IL21R: variants seen among roughly 807,000 people sequenced by gnomAD.
IL21R encodes interleukin-21 receptor.
Under a neutral mutation model 41.3 loss-of-function variants are expected in IL21R, and 14 were observed. The observed-to-expected ratio is 0.34, with a 90% CI of 0.22 to 0.53. The LOEUF is 0.53. Among genes scored for constraint, IL21R ranks in the 20% least tolerant of loss-of-function variants. The pLI is 0.94. For synonymous variants in IL21R, 286 were observed against 287.6 expected (o/e 0.99, Z 0.05); for missense variants, 588 against 681.6 (o/e 0.86, Z 1.53).
chr16:27,443,999 T>C (rs971212573), intron 5 of IL21R: 12 of 152,024 alleles, frequency 7.9e-5, no homozygotes, highest in African/African-American at 2.9e-4. Context: ...ATGAGTGCCA[T>C]ACTTTAGAAA....
At chr16:27,409,093 G>A (rs1431818670) in intron 1 of IL21R, among the ~76,000 whole-genome samples, 2 of 151,618 alleles carry the variant, frequency 1.3e-5, no homozygotes, top group Admixed American at 1.3e-4. Flanking sequence ...CCAGAATATT[G>A]AGTAGAGACA....
At chr16:27,416,212 C>T (rs773284514) in intron 1 of IL21R, among the ~76,000 whole-genome samples, 1 of 152,232 alleles carries the variant, frequency 6.6e-6, no homozygotes, top group Non-Finnish European at 1.5e-5. Context: ...TTGCAGCTCA[C>T]TGCAAGCTCC....
At chr16:27,441,429 T>G (rs554956195) in intron 4 of IL21R, among the ~76,000 whole-genome samples, 2 of 152,386 alleles carry the variant, frequency 1.3e-5, no homozygotes, top group East Asian at 3.9e-4. Flanking sequence ...CTGTTATGGC[T>G]CAGAGCTCGG....
At chr16:27,414,165 AGT>A (rs3917005) in intron 1 of IL21R, among the ~76,000 whole-genome samples, 188 of 144,250 alleles carry the variant, frequency 1.3e-3, no homozygotes, top group Non-Finnish European at 2.3e-3. Flanking sequence ...AGCTATGTAT[AGT>A]GTGTGTGTGT....
rs1266644884 is a variant in IL21R at position 27,449,429 on chromosome 16, T to C, written c.*146T>C. The C allele has an allele frequency of 2.7e-6, 2 of 735,076 alleles. No homozygotes were observed. Among genetic ancestry groups the C allele is most frequent in the Non-Finnish European group, 4.3e-6 (2 of 460,668 alleles). 45.5% of individuals were successfully genotyped at this position (735,076 alleles called of 1,614,324 possible). On this transcript the variant is annotated 3_prime_UTR_variant, in exon 9 of 9. Transcript: ENST00000337929. ...CTGATGTTTACAGTGTCTGTGTGTGTGTGTGCATATGTGTGTGTGTGCATA... is the reference window on the plus strand; with the variant it reads ...CTGATGTTTACAGTGTCTGTGTGTGCGTGTGCATATGTGTGTGTGTGCATA...
At chr16:27,442,704 C>T in intron 4 of IL21R, 1 of 318,760 alleles carries the variant, frequency 3.1e-6, no homozygotes, top group Non-Finnish European at 5.8e-6. Context: ...TGCTTCACTC[C>T]TCTCTGTGAC....
chr16:27,431,343 A>C (rs760565712), intron 2 of IL21R, among the ~76,000 whole-genome samples: 2 of 152,174 alleles, frequency 1.3e-5, no homozygotes, highest in African/African-American at 4.8e-5. Context: ...CTGCATGCAA[A>C]GCTCGGAGCG....
rs1227559191 is a variant in IL21R at position 27,433,609 on chromosome 16, T to C, written c.50-738T>C. Among the ~76,000 whole-genome samples, 4 of 151,756 alleles carry C rather than the reference T, an allele frequency of 2.6e-5. No homozygotes were observed. The East Asian group carries it at 5.8e-4, about 22-fold the overall frequency. On this transcript the variant is annotated intron_variant, in intron 2 of 8. Coordinates refer to ENST00000337929, the MANE Select transcript of IL21R (RefSeq NM_181078.3). ...AAAATGTAGATGATGATTGCACCCCTGTTTTAGAACACAGCGAAACAATTA... is the reference window on the plus strand; with the variant it reads ...AAAATGTAGATGATGATTGCACCCCCGTTTTAGAACACAGCGAAACAATTA...
rs767061088 is a variant in IL21R at position 27,430,157 on chromosome 16, C to G, written c.49+37C>G. 3 of 1,575,852 alleles carry G rather than the reference C, an allele frequency of 1.9e-6. No individual in the cohort carries two copies. The African/African-American group carries it at 4.0e-5, about 21-fold the overall frequency. On this transcript the variant is annotated intron_variant, in intron 2 of 8. Transcript: ENST00000337929. ...CCCCGTGGTCTGCGGGTGGGGAGGG[C>G]CCCCATCACAGAGCTGAGCCAGGGC... is the stretch of plus-strand genomic sequence containing the variant.
At chr16:27,448,077 T>G in intron 8 of IL21R, 1 of 153,792 alleles carries the variant, frequency 6.5e-6, no homozygotes, top group Non-Finnish European at 1.4e-5. Flanking sequence ...CTCGGTGTCT[T>G]TGTCTATCTT....
At chr16:27,402,960 C>G (rs2086682497) in intron 1 of IL21R, 3 of 358,322 alleles carry the variant, frequency 8.4e-6, no homozygotes, top group African/African-American at 2.1e-5. Context: ...GCGGCTGAGT[C>G]GGGAGGTGAC....
chr16:27,439,436 GCA>G (rs779126657), intron 4 of IL21R, among the ~76,000 whole-genome samples: 13 of 151,178 alleles, frequency 8.6e-5, no homozygotes, highest in South Asian at 2.1e-4. Flanking sequence ...TCATACATGG[GCA>G]CACACACGCA....
Position 27,434,487 on chromosome 16 carries a change from T to C in IL21R, c.152+38T>C, listed in dbSNP as rs750786449. ...GCCTCACCAGTCCCCGGGGATGCAA[T>C]TCAGGGTGCCTGCTCAGTGATTCCC... On this transcript the variant is annotated intron_variant, in intron 3 of 8. Coordinates refer to ENST00000337929, the MANE Select transcript of IL21R (RefSeq NM_181078.3). 14 of 1,338,894 alleles carry C rather than the reference T, an allele frequency of 1.0e-5. No individual in the cohort carries two copies. The African/African-American group carries it at 1.9e-4, about 18-fold the overall frequency. The allele number at this position is 1,338,894 out of a possible 1,614,324, so 82.9% of individuals were successfully genotyped here.
intron 2 of IL21R, among the ~76,000 whole-genome samples, chr16:27,434,113 T>C (rs1021069638): frequency 2.6e-5 from 4 of 152,182 alleles, no homozygotes; most frequent in African/African-American, 9.7e-5. Context: ...TGCCATCACA[T>C]GCATCCTGTC....
At chr16:27,436,918 CAA>C (rs967118544) in intron 3 of IL21R, among the ~76,000 whole-genome samples, 5 of 152,018 alleles carry the variant, frequency 3.3e-5, no homozygotes, top group African/African-American at 1.2e-4. Flanking sequence ...ACAAAAAATA[CAA>C]AAAGTTAGCT....
intron 1 of IL21R, among the ~76,000 whole-genome samples, chr16:27,413,778 A>G (rs979919828): frequency 6.6e-6 from 1 of 151,922 alleles, no homozygotes; most frequent in African/African-American, 2.4e-5. Context: ...TCTCTGTGAC[A>G]TAGTTACAAT....
intron 4 of IL21R, among the ~76,000 whole-genome samples, chr16:27,439,226 G>A (rs1567369229): frequency 6.6e-6 from 1 of 151,630 alleles, no homozygotes; most frequent in Non-Finnish European, 1.5e-5. Context: ...ACAGACTCAC[G>A]CACACACAGA....
chr16:27,418,619 C>G (rs778755948), intron 1 of IL21R, among the ~76,000 whole-genome samples: 4 of 152,180 alleles, frequency 2.6e-5, no homozygotes, highest in Non-Finnish European at 5.9e-5. Flanking sequence ...ATCTGCCCGC[C>G]TTGGCCTCCC....
At position 27,450,880 on chromosome 16, in the gene IL21R, C is replaced by T. The variant is rs1410576738; in HGVS notation, c.*1597C>T. 9 of 233,046 alleles carry T rather than the reference C, an allele frequency of 3.9e-5. No homozygotes were observed. Among genetic ancestry groups the T allele is most frequent in the African/African-American group, 6.6e-5 (3 of 45,338 alleles). 14.4% of individuals were successfully genotyped at this position (233,046 alleles called of 1,614,324 possible). A position where few individuals can be genotyped will look rare whatever the true frequency, so the allele number is the denominator to read the frequency against. ...CTCACCCATGCTTTTGCAACAGGGT[C>T]GGGTTGGAAGTCAGCACAGGTCAGT... On this transcript the variant is annotated 3_prime_UTR_variant, in exon 9 of 9. Coordinates refer to ENST00000337929, the MANE Select transcript of IL21R (RefSeq NM_181078.3).
Sources: allele counts gnomAD v4.1 joint callset (sites outside exome capture counted in the v4.1 genomes callset), GRCh38; gene constraint gnomAD v4.1.1; transcripts MANE v1.5; gene names NCBI Gene and HGNC (gene_info 2026-07-23, HGNC 2026-07-21).